The following OPTC variants were observed in gnomAD, a reference collection of about 807,000 sequenced individuals.
OPTC encodes oculoglycan.
A neutral mutation model predicts 25.4 loss-of-function variants in OPTC; 22 were observed. The ratio of observed to expected loss-of-function variants is 0.87; its 90% CI spans 0.62 to 1.24. The LOEUF (loss-of-function observed/expected upper bound fraction) is 1.24. Ranked by LOEUF, OPTC falls within the 50% of genes most tolerant of loss-of-function variation. OPTC has a pLI of 0.00. For synonymous variants in OPTC, 169 were observed against 179.3 expected, an observed-to-expected ratio of 0.94 and a Z score of 0.46; for missense variants, 417 against 425.2, an observed-to-expected ratio of 0.98 and a Z score of 0.17.
At chr1:203,508,002 T>G (rs569098910) in intron 7 of OPTC, among the ~76,000 whole-genome samples, 85 of 152,322 alleles carry the variant, frequency 5.6e-4, no homozygotes, top group African/African-American at 1.8e-3. Context: ...GGGACCTAAT[T>G]TGGCAGTCCT....
chr1:203,503,659 T>A lies in OPTC; in HGVS notation c.938T>A (p.Leu313His). The change falls in exon 7 of 8, where the codon CTC (leucine) becomes CAC (histidine). Residue 313 changes from leucine to histidine, a missense_variant. Coordinates refer to ENST00000367222, the MANE Select transcript of OPTC (RefSeq NM_014359.4). ...DIRLDGNPIN[L>H]SLFPSAYFCL... The stretch of plus-strand genomic sequence containing the variant: ...CGCCTGGATGGCAACCCCATCAACC[T>A]CAGCCTCTTCCCCAGCGCCTACTTC... 3 of 1,613,008 alleles carry A rather than the reference T, an allele frequency of 1.9e-6. No individual in the cohort carries two copies. The highest frequency in any genetic ancestry group is 2.5e-6 in the Non-Finnish European group (3 of 1,179,998).
At chr1:203,499,885 C>T in intron 5 of OPTC, 34 bp downstream of exon 5, 4 of 1,563,032 alleles carry the variant, frequency 2.6e-6, no homozygotes, top group South Asian at 1.1e-5. Flanking sequence ...TATCTATCAC[C>T]TCCACCACCC....
intron 7 of OPTC, among the ~76,000 whole-genome samples, chr1:203,505,478 G>C (rs1315914195): frequency 6.6e-6 from 1 of 152,232 alleles, no homozygotes; most frequent in Non-Finnish European, 1.5e-5. Flanking sequence ...GGAGGGACAG[G>C]TGTTTCTTGT....
chr1:203,503,613 C>T lies in OPTC; in HGVS notation c.892C>T (p.Arg298Cys), dbSNP rs749917561. Residue 298 changes from arginine (R) to cysteine (C), a missense_variant, in exon 7 of 8, where the codon CGC (arginine) becomes TGC (cysteine). Physicochemically the swap from Arg to Cys is radical, Grantham distance 180. Coordinates refer to ENST00000367222, the MANE Select transcript of OPTC (RefSeq NM_014359.4). Reference protein sequence around the residue: ...FCDPEEHKHTRRQLEDIRLDG... With the variant: ...FCDPEEHKHTCRQLEDIRLDG... The stretch of plus-strand genomic sequence containing the variant: ...TGACCCCGAGGAGCACAAACACACC[C>T]GCAGGCAGCTGGAAGACATCCGCCT... 3.3e-5 allele frequency: 53 copies of T among 1,613,570 alleles called. No individual in the cohort carries two copies. The highest frequency in any genetic ancestry group is 3.9e-5 in the Non-Finnish European group (46 of 1,180,014).
intron 2 of OPTC, among the ~76,000 whole-genome samples, chr1:203,496,697 G>A (rs944942310): frequency 2.0e-5 from 3 of 152,004 alleles, no homozygotes; most frequent in Admixed American, 6.6e-5. Context: ...CTGGGAAATC[G>A]GGAGAGCAGG....
rs199948993 is a variant in OPTC, at chr1:203,503,614, G to A, written c.893G>A (p.Arg298His). 1.1e-4 allele frequency: 176 copies of A among 1,613,572 alleles called. No individual in the cohort carries two copies. The Admixed American group carries it at 1.7e-3, about 15-fold the overall frequency. The change falls in exon 7 of 8, where the codon CGC becomes CAC. Residue 298 changes from arginine (R) to histidine (H), a missense_variant. By Grantham distance (29) the Arg-to-His change is conservative. Transcript: ENST00000367222. ...GACCCCGAGGAGCACAAACACACCCGCAGGCAGCTGGAAGACATCCGCCTG... is the reference window on the plus strand; with the variant it reads ...GACCCCGAGGAGCACAAACACACCCACAGGCAGCTGGAAGACATCCGCCTG... ...FCDPEEHKHTRRQLEDIRLDG... is the reference protein window; with the variant it reads ...FCDPEEHKHTHRQLEDIRLDG...
At chr1:203,508,273 A>G (rs1661529646) in intron 7 of OPTC, among the ~76,000 whole-genome samples, 1 of 152,040 alleles carries the variant, frequency 6.6e-6, no homozygotes, top group South Asian at 2.1e-4. Flanking sequence ...AAAAGCAAGG[A>G]CTCGGGAGGG....
At chr1:203,503,155 G>A in intron 6 of OPTC, 146 bp downstream of exon 6, 1 of 709,730 alleles carries the variant, frequency 1.4e-6, no homozygotes, top group African/African-American at 1.8e-5. Flanking sequence ...GACAAGGATT[G>A]GGAGGTCTTG....
At chr1:203,499,602 A>G in intron 4 of OPTC, 47 bp from the exon 5 acceptor site, 1 of 1,500,802 alleles carries the variant, frequency 6.7e-7, no homozygotes, top group South Asian at 1.1e-5. Context: ...ACAAGGAAAG[A>G]TAGTGTGTTC....
At chr1:203,508,085 A>G (rs1477240509) in intron 7 of OPTC, among the ~76,000 whole-genome samples, 10 of 152,248 alleles carry the variant, frequency 6.6e-5, no homozygotes, top group Non-Finnish European at 1.3e-4. Flanking sequence ...ACTTTGTCCC[A>G]GAGAAAGATG....
intron 7 of OPTC, among the ~76,000 whole-genome samples, chr1:203,505,535 T>G (rs1268212127): frequency 6.6e-6 from 1 of 152,198 alleles, no homozygotes; most frequent in Non-Finnish European, 1.5e-5. Context: ...CCCACCTCAC[T>G]GTGCACTTGG....
At chr1:203,496,577 T>C (rs1020839899) in intron 2 of OPTC, among the ~76,000 whole-genome samples, 2 of 152,222 alleles carry the variant, frequency 1.3e-5, no homozygotes, top group Non-Finnish European at 2.9e-5. Flanking sequence ...TCTGAAGTTC[T>C]TTCCCAGGTC....
Position 203,503,363 on chromosome 1 carries a change from T to G in OPTC, c.829-187T>G, listed in dbSNP as rs571932116. Among the ~76,000 whole-genome samples the G allele has an allele frequency of 2.0e-5, 3 of 152,178 alleles. No individual in the cohort carries two copies. The South Asian group carries it at 6.2e-4, about 32-fold the overall frequency. On this transcript the variant is annotated intron_variant, in intron 6 of 7. Transcript: ENST00000367222. Reference sequence around the variant, plus strand: ...TCTCTTCCTCTTCATCTGTGCCCTCTCTCTCCATCCATCCCCCCTGGGGCT... The same window carrying G: ...TCTCTTCCTCTTCATCTGTGCCCTCGCTCTCCATCCATCCCCCCTGGGGCT...
chr1:203,506,128 T>A (rs904482064), intron 7 of OPTC, among the ~76,000 whole-genome samples: 10 of 152,068 alleles, frequency 6.6e-5, no homozygotes, highest in Non-Finnish European at 1.5e-4. Context: ...AGATCCTGGA[T>A]TGAGGAATCC....
Position 203,503,759 on chromosome 1 carries a change from A to G in OPTC, c.*25+14A>G, listed in dbSNP as rs1474008922. The G allele has an allele frequency of 6.3e-7, 1 of 1,595,136 alleles. No individual in the cohort carries two copies. Among genetic ancestry groups the G allele is most frequent in the African/African-American group, 1.3e-5 (1 of 74,798 alleles). ...CACTCCTCCCAGGTAAGAACCCTCC[A>G]AGGACCATGCAGGCATGGGCCTCCA... On this transcript the variant is annotated intron_variant, in intron 7 of 7. Transcript: ENST00000367222.
chr1:203,496,074 A>G lies in OPTC; in HGVS notation c.69A>G (p.Pro23=). The change falls in exon 2 of 8, where the codon CCA becomes CCG. Residue 23 remains proline (P), a synonymous_variant. Coordinates refer to ENST00000367222, the MANE Select transcript of OPTC (RefSeq NM_014359.4). Reference sequence around the variant, plus strand: ...AGGAGACAGGGACAGCTTCTCTCCCAAGGAAGGAGAGGAAGAGGAGAGAGG... The same window carrying G: ...AGGAGACAGGGACAGCTTCTCTCCCGAGGAAGGAGAGGAAGAGGAGAGAGG... ...VLQETGTASL[P]RKERKRREEQ... is the part of the protein sequence containing the mutation. The G allele has an allele frequency of 6.2e-7, 1 of 1,614,008 alleles. No individual in the cohort carries two copies. The highest frequency in any genetic ancestry group is 8.5e-7 in the Non-Finnish European group (1 of 1,179,958).
chr1:203,497,034 G>A lies in OPTC; in HGVS notation c.289G>A (p.Ala97Thr), dbSNP rs778467956. Residue 97 changes from alanine to threonine, a missense_variant, in exon 3 of 8, where the codon GCT (alanine) becomes ACT (threonine). Coordinates refer to ENST00000367222, the MANE Select transcript of OPTC (RefSeq NM_014359.4). ...TSISPAKSTT[A>T]PGTPSSNPTM... Reference sequence around the variant, plus strand: ...CATCAGTCCCGCCAAGAGCACTACGGCTCCAGGGACACCCTCGTCAAACCC... The same window carrying A: ...CATCAGTCCCGCCAAGAGCACTACGACTCCAGGGACACCCTCGTCAAACCC... 6.2e-7 allele frequency: 1 copy of A among 1,614,052 alleles called. No individual in the cohort carries two copies.
At chr1:203,506,816 T>G (rs755761963) in intron 7 of OPTC, among the ~76,000 whole-genome samples, 1 of 152,178 alleles carries the variant, frequency 6.6e-6, no homozygotes, top group Non-Finnish European at 1.5e-5. Context: ...CCGGGGTCCA[T>G]CCAGCCAGAG....
At chr1:203,496,566 G>A (rs975929110) in intron 2 of OPTC, among the ~76,000 whole-genome samples, 1 of 152,200 alleles carries the variant, frequency 6.6e-6, no homozygotes, top group African/African-American at 2.4e-5. Context: ...CTGTCCTCCA[G>A]TCTGAAGTTC....
Sources: allele counts gnomAD v4.1 joint callset (sites outside exome capture counted in the v4.1 genomes callset), GRCh38; gene constraint gnomAD v4.1.1; transcripts MANE v1.5; gene names NCBI Gene and HGNC (gene_info 2026-07-23, HGNC 2026-07-21).